MYOM1: variants seen among roughly 807,000 people sequenced by gnomAD.
MYOM1 encodes myomesin 1, also known as myomesin-1.
In MYOM1, 164 loss-of-function variants were observed where a neutral mutation model predicts 205.3. The ratio of observed to expected loss-of-function variants is 0.80; its 90% CI spans 0.70 to 0.91. MYOM1 has a LOEUF of 0.91. Among genes scored for constraint, MYOM1 ranks in the 40% least tolerant of loss-of-function variants. The pLI is 0.00. For missense variants in MYOM1, 2,011 were observed against 2,127.3 expected, an observed-to-expected ratio of 0.95 and a Z score of 1.08; for synonymous variants, 772 against 789.4, an observed-to-expected ratio of 0.98 and a Z score of 0.37.
At position 3,079,318 on chromosome 18, in the gene MYOM1, G is replaced by C. The variant is rs372479799; in HGVS notation, c.4509C>G (p.Asp1503Glu). ...CTCCAGTGACCCCGGTCTTAACTCT[G>C]TCTGAGTACCTAATGGCGGACCCAC... ...SHNGSAIRYS[D>E]RVKTGVTGEQ... Residue 1503 changes from aspartate (D) to glutamate (E), a missense_variant, in exon 34 of 38, where the codon GAC (aspartate) becomes GAG (glutamate). Physicochemically the swap from Asp to Glu is conservative, Grantham distance 45 (BLOSUM62 2). Transcript: ENST00000356443. 3.1e-6 allele frequency: 5 copies of C among 1,613,196 alleles called. No individual in the cohort carries two copies. The highest frequency in any genetic ancestry group is 1.7e-5 in the Admixed American group (1 of 59,976).
intron 26 of MYOM1, among the ~76,000 whole-genome samples, chr18:3,092,719 C>T (rs765798841): frequency 6.6e-6 from 1 of 152,112 alleles, no homozygotes; most frequent in African/African-American, 2.4e-5. Flanking sequence ...TTCATGCTCC[C>T]GAGCCTCACC....
intron 14 of MYOM1, among the ~76,000 whole-genome samples, chr18:3,136,130 G>C (rs12965833): frequency 0.66 from 100,634 of 151,548 alleles, 33,637 homozygotes; most frequent in East Asian, 0.91. Flanking sequence ...CTTCTGTCTT[G>C]CCTGCCACCG....
At chr18:3,160,593 T>C (rs1029920137) in intron 10 of MYOM1, among the ~76,000 whole-genome samples, 2 of 152,244 alleles carry the variant, frequency 1.3e-5, no homozygotes, top group African/African-American at 4.8e-5. Context: ...GTATACAAAT[T>C]ATATCTCAAA....
At chr18:3,216,402 A>G (rs546467879) in intron 1 of MYOM1, among the ~76,000 whole-genome samples, 3 of 152,376 alleles carry the variant, frequency 2.0e-5, no homozygotes, top group East Asian at 3.9e-4. Flanking sequence ...CAAGTATGAG[A>G]TAGGTTAATG....
At chr18:3,081,169 T>G (rs949436556) in intron 33 of MYOM1, among the ~76,000 whole-genome samples, 1 of 152,078 alleles carries the variant, frequency 6.6e-6, no homozygotes, top group African/African-American at 2.4e-5. Context: ...ACAGAAAGAT[T>G]GTCCTCTGCT....
chr18:3,193,329 C>CAT lies in MYOM1; in HGVS notation c.431+487_431+488dup, dbSNP rs1357218438. Among the ~76,000 whole-genome samples the CAT allele has an allele frequency of 3.8e-3, 545 of 144,382 alleles. 8 individuals are homozygous for CAT. Among genetic ancestry groups the CAT allele is most frequent in the African/African-American group, 0.013 (509 of 38,290 alleles). The allele number at this position is 144,382 out of a possible 152,430, so 94.7% of individuals were successfully genotyped here. A position where few individuals can be genotyped will look rare whatever the true frequency, so the allele number is the denominator to read the frequency against. ...ATATATATATGTATATGTACATATA[C>CAT]ATATATATGTACATATACATATATA... is the stretch of plus-strand genomic sequence containing the variant. On this transcript the variant is annotated intron_variant, in intron 3 of 37. Transcript: ENST00000356443.
chr18:3,089,453 A>T, intron 28 of MYOM1, 84 bp downstream of exon 28: 5 of 1,056,782 alleles, frequency 4.7e-6, no homozygotes, highest in Non-Finnish European at 6.8e-6. Context: ...AATAATATTC[A>T]TTTTAATTTG....
chr18:3,089,523 C>A lies in MYOM1; in HGVS notation c.4069+14G>T. The A allele has an allele frequency of 6.3e-7, 1 of 1,598,372 alleles. No individual in the cohort carries two copies. Among genetic ancestry groups the A allele is most frequent in the Non-Finnish European group, 8.5e-7 (1 of 1,172,120 alleles). ...AAATTAAAAATTTTCTCTTTATCCA[C>A]GGCCTATTTTTACCTTGTTTCCTGA... is the stretch of plus-strand genomic sequence containing the variant. On this transcript the variant is annotated intron_variant, in intron 28 of 37. Coordinates refer to ENST00000356443, the MANE Select transcript of MYOM1 (RefSeq NM_003803.4).
intron 26 of MYOM1, 125 bp from the exon 27 acceptor site, chr18:3,090,927 A>G (rs2079217712): frequency 5.0e-6 from 6 of 1,194,470 alleles, no homozygotes; most frequent in East Asian, 2.5e-5. Flanking sequence ...CATGCCTGTA[A>G]TCCCAGTACT....
chr18:3,191,356 G>C (rs4797101), intron 3 of MYOM1, among the ~76,000 whole-genome samples: 54,553 of 152,014 alleles, frequency 0.36, 11,263 homozygotes, highest in East Asian at 0.82. Context: ...AGGCCTACGT[G>C]GGACTTTCAA....
chr18:3,223,284 A>C (rs1262982055), upstream of MYOM1, among the ~76,000 whole-genome samples: 1 of 152,236 alleles, frequency 6.6e-6, no homozygotes, highest in Non-Finnish European at 1.5e-5. Flanking sequence ...CATATAGCAA[A>C]TAGTCATTAA....
At chr18:3,243,344 C>A in the MYOM1 span, among the ~76,000 whole-genome samples, 1 of 152,184 alleles carries the variant, frequency 6.6e-6, no homozygotes, top group Non-Finnish European at 1.5e-5. Context: ...TGTCCCTTAA[C>A]ATTCAATAGT....
At position 3,176,146 on chromosome 18, in the gene MYOM1, T is replaced by C; in HGVS notation, c.930-12A>G. On this transcript the variant is annotated splice_polypyrimidine_tract_variant and intron_variant, in intron 5 of 37. Coordinates refer to ENST00000356443, the MANE Select transcript of MYOM1 (RefSeq NM_003803.4). ...CCTGGTTTTTATACCTATAACAGAA[T>C]GGAAACAAAATGAAGTAAGTTGAAG... 1 of 1,522,634 alleles carries C rather than the reference T, an allele frequency of 6.6e-7. No homozygotes were observed. Among genetic ancestry groups the C allele is most frequent in the Non-Finnish European group, 9.1e-7 (1 of 1,098,320 alleles). 94.3% of individuals were successfully genotyped at this position (1,522,634 alleles called of 1,614,324 possible).
chr18:3,201,015 G>A (rs543714355), intron 2 of MYOM1, among the ~76,000 whole-genome samples: 1 of 152,240 alleles, frequency 6.6e-6, no homozygotes, highest in East Asian at 1.9e-4. Context: ...ACACACAGGG[G>A]AACAATAATA....
intron 25 of MYOM1, among the ~76,000 whole-genome samples, chr18:3,097,734 AGGGTCTCTCTACCAAAATGCGACACT>A (rs1048447068): frequency 3.9e-5 from 6 of 152,168 alleles, no homozygotes; most frequent in Non-Finnish European, 7.3e-5. Flanking sequence ...TCACATTCTC[AGGGTCTCTCTACCAAAATGCGACACT>A]GGGTCTCTAA....
intron 3 of MYOM1, among the ~76,000 whole-genome samples, chr18:3,191,946 T>TTG (rs1261130492): frequency 3.3e-5 from 5 of 152,136 alleles, no homozygotes; most frequent in African/African-American, 1.2e-4. Flanking sequence ...TCTGCCCGCC[T>TTG]CAGCCTCCCA....
chr18:3,124,083 C>G (rs568337063), intron 19 of MYOM1, among the ~76,000 whole-genome samples: 1 of 151,364 alleles, frequency 6.6e-6, no homozygotes. Flanking sequence ...GTGATCCCCC[C>G]ACCTCGGCCT....
At position 3,079,778 on chromosome 18, in the gene MYOM1, G is replaced by C. The variant is rs566734122; in HGVS notation, c.4485-436C>G. 3.3e-5 allele frequency among the ~76,000 whole-genome samples: 5 copies of C among 152,232 alleles called. No homozygotes were observed. The East Asian group carries it at 9.6e-4, about 29-fold the overall frequency. The stretch of plus-strand genomic sequence containing the variant: ...AAGCTAGTCCAAAAACACACTTATG[G>C]AGGCTCATCTGTGCCTGACATCTAT... On this transcript the variant is annotated intron_variant, in intron 33 of 37. Transcript: ENST00000356443.
chr18:3,129,592 AAAG>A, intron 17 of MYOM1, 73 bp from the exon 18 acceptor site: 2 of 1,471,858 alleles, frequency 1.4e-6, no homozygotes, highest in Non-Finnish European at 1.8e-6. Flanking sequence ...AGGATAGAAC[AAAG>A]AGAAAAACAT....
Sources: allele counts gnomAD v4.1 joint callset (sites outside exome capture counted in the v4.1 genomes callset), GRCh38; gene constraint gnomAD v4.1.1; transcripts MANE v1.5; gene names NCBI Gene and HGNC (gene_info 2026-07-23, HGNC 2026-07-21).